The following DIAPH2 variants were observed in gnomAD, a reference collection of about 807,000 sequenced individuals.
The protein encoded by DIAPH2 is protein diaphanous homolog 2.
A neutral mutation model predicts 92.7 loss-of-function variants in DIAPH2; 35 were observed. The observed-to-expected ratio is 0.38, with a 90% CI of 0.29 to 0.50. The LOEUF (loss-of-function observed/expected upper bound fraction) is 0.50. Among genes scored for constraint, DIAPH2 ranks in the 20% least tolerant of loss-of-function variants. DIAPH2 has a pLI of 0.94. For missense variants in DIAPH2, 701 were observed against 819.5 expected (o/e 0.86, Z 1.77); for synonymous variants, 301 against 280.4 (o/e 1.07, Z -0.73).
chrX:96,696,492 A>G (rs1436651257), intron 1 of DIAPH2, among the ~76,000 whole-genome samples: 2 of 112,353 alleles, frequency 1.8e-5, no homozygotes, highest in Non-Finnish European at 3.8e-5. Context: ...GATTCCAGTT[A>G]GACAAAAAGT....
intron 26 of DIAPH2, among the ~76,000 whole-genome samples, chrX:97,570,106 ATATATATATATATATATT>A (rs1333573902): frequency 9.5e-5 from 3 of 31,629 alleles, no homozygotes; most frequent in East Asian, 1.5e-3. Context: ...ATATATATAT[ATATATATATATATATATT>A]AGAAGATAGA....
intron 4 of DIAPH2, among the ~76,000 whole-genome samples, chrX:96,772,203 A>G (rs755203302): frequency 1.5e-4 from 17 of 112,570 alleles, no homozygotes; most frequent in Non-Finnish European, 2.6e-4. Flanking sequence ...TAAGTAGAAT[A>G]AGATAATCTT....
chrX:96,766,778 GT>G (rs2064306883), intron 4 of DIAPH2, among the ~76,000 whole-genome samples: 1 of 112,177 alleles, frequency 8.9e-6, no homozygotes, highest in African/African-American at 3.2e-5. Flanking sequence ...CCTGTTTTGC[GT>G]TTGTCTAACC....
At chrX:97,184,666 C>T (rs1376298481) in intron 22 of DIAPH2, among the ~76,000 whole-genome samples, 4 of 111,239 alleles carry the variant, frequency 3.6e-5, no homozygotes, top group African/African-American at 6.5e-5. Context: ...TTGTGATTGG[C>T]AAATGAACTC....
At chrX:96,744,495 G>C (rs1167286711) in intron 3 of DIAPH2, among the ~76,000 whole-genome samples, 1 of 112,126 alleles carries the variant, frequency 8.9e-6, no homozygotes, top group Non-Finnish European at 1.9e-5. Context: ...TATAAAATTA[G>C]TACATTTTCC....
At chrX:96,833,824 C>T (rs1322951087) in intron 4 of DIAPH2, among the ~76,000 whole-genome samples, 2 of 110,281 alleles carry the variant, frequency 1.8e-5, no homozygotes, top group Non-Finnish European at 3.8e-5. Context: ...CCATGTCTGG[C>T]TAAATTTTGT....
intron 24 of DIAPH2, among the ~76,000 whole-genome samples, chrX:97,360,457 CAAAA>C (rs377748223): frequency 1.1e-5 from 1 of 88,635 alleles, no homozygotes; most frequent in African/African-American, 4.2e-5. Flanking sequence ...ATTAAAAATA[CAAAA>C]AAAAAAAAAA....
chrX:96,871,154 A>G (rs1476451320), intron 4 of DIAPH2, among the ~76,000 whole-genome samples: 1 of 111,664 alleles, frequency 9.0e-6, no homozygotes, highest in Admixed American at 9.6e-5. Flanking sequence ...CACTATTTAC[A>G]TACATGAACT....
chrX:97,412,216 G>A (rs963484950), intron 25 of DIAPH2, among the ~76,000 whole-genome samples: 4 of 112,110 alleles, frequency 3.6e-5, no homozygotes, highest in African/African-American at 9.7e-5. Flanking sequence ...TCAGACCACA[G>A]TGCAATCAAA....
intron 22 of DIAPH2, among the ~76,000 whole-genome samples, chrX:97,194,341 G>A (rs1317206983): frequency 9.4e-5 from 10 of 105,853 alleles, no homozygotes; most frequent in Non-Finnish European, 1.8e-4. Flanking sequence ...GAGTGCAGTG[G>A]CGTGATCTTG....
intron 22 of DIAPH2, among the ~76,000 whole-genome samples, chrX:97,146,395 G>C: frequency 9.1e-6 from 1 of 109,464 alleles, no homozygotes; most frequent in South Asian, 3.9e-4. Context: ...TTCAGTTAAT[G>C]AATTATATAG....
At chrX:96,929,992 A>G (rs1374188083) in intron 9 of DIAPH2, among the ~76,000 whole-genome samples, 1 of 110,186 alleles carries the variant, frequency 9.1e-6, no homozygotes, top group Non-Finnish European at 1.9e-5. Flanking sequence ...GTTCCTTTTT[A>G]TAATAGGGAA....
At chrX:97,289,763 C>T (rs1226871886) in intron 23 of DIAPH2, among the ~76,000 whole-genome samples, 4 of 107,013 alleles carry the variant, frequency 3.7e-5, no homozygotes, top group South Asian at 4.1e-4. Context: ...CTTGCTCTGT[C>T]GCCCAGGCTG....
At chrX:97,508,602 C>G (rs192837358) in intron 26 of DIAPH2, among the ~76,000 whole-genome samples, 3 of 111,914 alleles carry the variant, frequency 2.7e-5, no homozygotes, top group East Asian at 2.8e-4. Context: ...TTCTCCCCAC[C>G]ACCAGCCCAC....
intron 23 of DIAPH2, among the ~76,000 whole-genome samples, chrX:97,312,292 A>C (rs940429521): frequency 2.8e-5 from 3 of 107,709 alleles, no homozygotes; most frequent in African/African-American, 6.8e-5. Flanking sequence ...TTTCAATGTC[A>C]GTTTGTACCA....
At chrX:96,955,232 AAGG>A (rs1182712544) in intron 15 of DIAPH2, among the ~76,000 whole-genome samples, 5 of 111,748 alleles carry the variant, frequency 4.5e-5, no homozygotes, top group African/African-American at 1.6e-4. Context: ...TGGCAGCAGC[AAGG>A]AGAAGTGCCA....
intron 26 of DIAPH2, among the ~76,000 whole-genome samples, chrX:97,526,322 G>T (rs192095529): frequency 3.6e-5 from 4 of 111,150 alleles, no homozygotes; most frequent in Non-Finnish European, 5.7e-5. Context: ...AGGTTGCTTC[G>T]AATGGTTATC....
intron 22 of DIAPH2, among the ~76,000 whole-genome samples, chrX:97,241,537 A>G (rs1373443811): frequency 9.0e-6 from 1 of 110,506 alleles, no homozygotes; most frequent in African/African-American, 3.3e-5. Context: ...TGACCTCGTG[A>G]TCCGACCGCC....
intron 23 of DIAPH2, among the ~76,000 whole-genome samples, chrX:97,311,056 A>C (rs2068790041): frequency 8.9e-6 from 1 of 111,796 alleles, no homozygotes; most frequent in Admixed American, 9.6e-5. Flanking sequence ...TGTGGGTCAT[A>C]ATAAGGACCT....
Sources: gnomAD v4.1 joint callset for allele counts (sites outside exome capture counted in the v4.1 genomes callset) on GRCh38, gnomAD v4.1.1 for gene constraint, MANE v1.5 for transcripts, NCBI Gene and HGNC (gene_info 2026-07-23, HGNC 2026-07-21) for gene names.